The following ZNF503 variants were observed in gnomAD, a reference collection of about 807,000 sequenced individuals.
ZNF503 encodes the protein NocA-like zinc finger 2.
In ZNF503, 15 loss-of-function variants were observed where a neutral mutation model predicts 34.4. That is an observed-to-expected ratio of 0.44 (90% CI 0.29 to 0.67). The LOEUF is 0.67. Ranked by LOEUF, ZNF503 falls within the 30% of genes least tolerant of loss-of-function variation. The pLI is 0.13. For synonymous variants in ZNF503, 580 were observed against 456.8 expected, an observed-to-expected ratio of 1.27 and a Z score of -3.44; for missense variants, 1,007 against 926.8, an observed-to-expected ratio of 1.09 and a Z score of -1.12.
chr10:75,280,187 T>C, the ZNF503 span: 1 of 152,164 alleles, frequency 6.6e-6, no homozygotes, highest in Non-Finnish European at 1.5e-5. Context: ...AGAATATACA[T>C]CCCCAATGGC....
At chr10:75,318,000 AATACATACATAC>A in the ZNF503 span, among the ~76,000 whole-genome samples, 1 of 150,514 alleles carries the variant, frequency 6.6e-6, no homozygotes, top group Non-Finnish European at 1.5e-5. Flanking sequence ...TGTCTCAACA[AATACATACATAC>A]ATACATACAT....
At chr10:75,372,198 C>T in the ZNF503 span, among the ~76,000 whole-genome samples, 1 of 152,234 alleles carries the variant, frequency 6.6e-6, no homozygotes, top group African/African-American at 2.4e-5. Flanking sequence ...TCCCAAAGTG[C>T]TGGGATTACA....
chr10:75,322,445 G>A, the ZNF503 span, among the ~76,000 whole-genome samples: 7 of 151,982 alleles, frequency 4.6e-5, no homozygotes, highest in African/African-American at 1.2e-4. Context: ...TTATGCTTTC[G>A]TGTATATTAG....
At chr10:75,400,459 G>C in intron 1 of ZNF503, 85 bp from the exon 2 acceptor site, 3 of 1,468,600 alleles carry the variant, frequency 2.0e-6, no homozygotes, top group Non-Finnish European at 2.7e-6. Flanking sequence ...GGGTTCAAAT[G>C]CCTCTCCGCA....
the ZNF503 span, among the ~76,000 whole-genome samples, chr10:75,335,386 C>T: frequency 1.3e-5 from 2 of 152,200 alleles, no homozygotes; most frequent in Non-Finnish European, 2.9e-5. Flanking sequence ...AAAGTCCAAA[C>T]TCTACATCTG....
chr10:75,287,434 C>A, the ZNF503 span, among the ~76,000 whole-genome samples: 1 of 152,138 alleles, frequency 6.6e-6, no homozygotes, highest in Non-Finnish European at 1.5e-5. Context: ...TGCCTGCTCC[C>A]CATCCTTTCC....
the ZNF503 span, among the ~76,000 whole-genome samples, chr10:75,355,410 T>C: frequency 0.018 from 2,667 of 152,324 alleles, 100 homozygotes; most frequent in African/African-American, 0.061. Context: ...TTATTTAATC[T>C]GCGCAAGTGT....
chr10:75,340,237 C>G, the ZNF503 span, among the ~76,000 whole-genome samples: 1 of 152,008 alleles, frequency 6.6e-6, no homozygotes, highest in Non-Finnish European at 1.5e-5. Context: ...CATAGTGAGA[C>G]CCTGTCTCAA....
At chr10:75,356,139 A>G in the ZNF503 span, among the ~76,000 whole-genome samples, 1 of 152,190 alleles carries the variant, frequency 6.6e-6, no homozygotes, top group African/African-American at 2.4e-5. Flanking sequence ...GTTCTGCCCA[A>G]TTTCAAGGAG....
At chr10:75,291,330 G>T in the ZNF503 span, among the ~76,000 whole-genome samples, 1 of 152,152 alleles carries the variant, frequency 6.6e-6, no homozygotes, top group Non-Finnish European at 1.5e-5. Flanking sequence ...GCCACATCAT[G>T]GCTGGGTGTG....
chr10:75,290,668 A>T, the ZNF503 span, among the ~76,000 whole-genome samples: 1 of 152,228 alleles, frequency 6.6e-6, no homozygotes, highest in South Asian at 2.1e-4. Context: ...TTTTGAAAAC[A>T]CAACCAACTA....
At chr10:75,372,095 C>T in the ZNF503 span, among the ~76,000 whole-genome samples, 5,872 of 152,212 alleles carry the variant, frequency 0.039, 377 homozygotes, top group African/African-American at 0.13. Flanking sequence ...CACTGCCCAG[C>T]TAATTTTTGT....
chr10:75,397,430 G>C (rs922842752), downstream of ZNF503, among the ~76,000 whole-genome samples: 1 of 152,024 alleles, frequency 6.6e-6, no homozygotes, highest in African/African-American at 2.4e-5. Context: ...CCCGGCCCAG[G>C]CCCAGCCGGC....
downstream of ZNF503, among the ~76,000 whole-genome samples, chr10:75,396,172 C>T (rs1003110933): frequency 6.6e-6 from 1 of 152,212 alleles, no homozygotes; most frequent in Non-Finnish European, 1.5e-5. This position sits in a 1 kb window ranked among gnomAD's most constrained non-coding sequence, Gnocchi z 4.4. Flanking sequence ...GTCCAAGAGG[C>T]CGGGGCGACA....
At chr10:75,334,272 AT>A in the ZNF503 span, among the ~76,000 whole-genome samples, 2 of 152,190 alleles carry the variant, frequency 1.3e-5, no homozygotes, top group African/African-American at 2.4e-5. Context: ...TCAATTGATT[AT>A]TTTTAACAAC....
the ZNF503 span, among the ~76,000 whole-genome samples, chr10:75,369,838 G>T: frequency 6.6e-6 from 1 of 151,942 alleles, no homozygotes; most frequent in African/African-American, 2.4e-5. Flanking sequence ...AGGCCGAGGT[G>T]GGCAGATCAC....
At chr10:75,308,787 A>G in the ZNF503 span, among the ~76,000 whole-genome samples, 3 of 152,226 alleles carry the variant, frequency 2.0e-5, no homozygotes, top group East Asian at 5.8e-4. Flanking sequence ...ATATGACTGA[A>G]TTGCTGCAAT....
chr10:75,367,631 T>C, the ZNF503 span, among the ~76,000 whole-genome samples: 17 of 152,326 alleles, frequency 1.1e-4, no homozygotes, highest in South Asian at 2.5e-3. Context: ...AGAAGCCTCT[T>C]GACATGAAAA....
At chr10:75,285,236 G>A in the ZNF503 span, among the ~76,000 whole-genome samples, 1 of 152,200 alleles carries the variant, frequency 6.6e-6, no homozygotes, top group Non-Finnish European at 1.5e-5. Flanking sequence ...TACCATCTCC[G>A]TTTTACAGAC....
Sources: allele counts gnomAD v4.1 joint callset (sites outside exome capture counted in the v4.1 genomes callset), GRCh38; gene constraint gnomAD v4.1.1; non-coding constraint Gnocchi (gnomAD v3.1); transcripts MANE v1.5; gene names NCBI Gene and HGNC (gene_info 2026-07-23, HGNC 2026-07-21).